The following ADGRB3 variants were observed in gnomAD, a reference collection of about 807,000 sequenced individuals.
ADGRB3 encodes brain-specific angiogenesis inhibitor 3.
ADGRB3 carries 37 observed loss-of-function variants against 193.4 expected under a neutral mutation model. That is an observed-to-expected ratio of 0.19 (90% confidence interval 0.15 to 0.25). The LOEUF is 0.25. Ranked by LOEUF, ADGRB3 falls within the 10% of genes least tolerant of loss-of-function variation. ADGRB3 has a pLI of 1.00. For missense variants in ADGRB3, 1,637 were observed against 1,852.9 expected (o/e 0.88, Z 2.14); for synonymous variants, 690 against 644.2 (o/e 1.07, Z -1.08).
chr6:68,736,541 A>G (rs2127337036), intron 3 of ADGRB3, among the ~76,000 whole-genome samples: 1 of 152,202 alleles, frequency 6.6e-6, no homozygotes, highest in East Asian at 1.9e-4. Context: ...GGACTTTGAG[A>G]AAAAGATCTC....
At chr6:69,264,555 T>C (rs990715367) in intron 20 of ADGRB3, among the ~76,000 whole-genome samples, 11 of 151,798 alleles carry the variant, frequency 7.2e-5, no homozygotes, top group African/African-American at 2.7e-4. Context: ...AACTTGAGTA[T>C]TTGACTACCA....
intron 10 of ADGRB3, among the ~76,000 whole-genome samples, chr6:68,987,032 A>AT (rs1769097341): frequency 6.6e-6 from 1 of 152,034 alleles, no homozygotes; most frequent in Non-Finnish European, 1.5e-5. Context: ...TTTTAGACTC[A>AT]TTTTTCCCCC....
At chr6:68,872,232 T>G (rs2150220312) in intron 3 of ADGRB3, among the ~76,000 whole-genome samples, 1 of 152,252 alleles carries the variant, frequency 6.6e-6, no homozygotes, top group South Asian at 2.1e-4. Context: ...ATGATAATTT[T>G]TTTGAAGACA....
chr6:69,345,631 A>G (rs1458904608), intron 26 of ADGRB3, among the ~76,000 whole-genome samples: 2 of 152,194 alleles, frequency 1.3e-5, no homozygotes, highest in Admixed American at 6.6e-5. Context: ...ATTTATGACA[A>G]ACCCACAGCC....
At chr6:68,825,220 G>A (rs1455797105) in intron 3 of ADGRB3, among the ~76,000 whole-genome samples, 2 of 151,802 alleles carry the variant, frequency 1.3e-5, no homozygotes, top group African/African-American at 4.8e-5. Flanking sequence ...TCTCATGGTT[G>A]CTTCTCTCCT....
intron 17 of ADGRB3, among the ~76,000 whole-genome samples, chr6:69,150,468 G>T (rs1210612788): frequency 2.0e-5 from 3 of 152,112 alleles, no homozygotes; most frequent in Non-Finnish European, 4.4e-5. Context: ...TCAGCTTGTG[G>T]TGTATGCTTC....
intron 11 of ADGRB3, among the ~76,000 whole-genome samples, chr6:69,013,796 G>A (rs1241848636): frequency 1.3e-5 from 2 of 151,996 alleles, no homozygotes; most frequent in Non-Finnish European, 2.9e-5. Flanking sequence ...AAATAATTTT[G>A]AGTGAAAGTG....
chr6:68,741,918 G>C (rs531624071), intron 3 of ADGRB3, among the ~76,000 whole-genome samples: 5 of 152,098 alleles, frequency 3.3e-5, no homozygotes, highest in African/African-American at 9.7e-5. Context: ...TCATTCACGA[G>C]TTCACATGTT....
intron 10 of ADGRB3, among the ~76,000 whole-genome samples, chr6:68,981,872 ATTTAT>A (rs1387976049): frequency 5.6e-5 from 8 of 143,558 alleles, no homozygotes; most frequent in Middle Eastern, 3.6e-3. Flanking sequence ...TTATTTATTT[ATTTAT>A]TTATTTATTT....
At chr6:68,640,911 T>A (rs1379770746) in intron 3 of ADGRB3, among the ~76,000 whole-genome samples, 1 of 152,204 alleles carries the variant, frequency 6.6e-6, no homozygotes, top group Non-Finnish European at 1.5e-5. Context: ...GGTCAGTGTT[T>A]CACTATCAGC....
intron 3 of ADGRB3, among the ~76,000 whole-genome samples, chr6:68,659,476 T>A (rs1768572090): frequency 6.6e-6 from 1 of 150,996 alleles, no homozygotes; most frequent in Non-Finnish European, 1.5e-5. Context: ...TTTTCTTGAA[T>A]TTATTTCATA....
chr6:68,772,882 C>A (rs5007750), intron 3 of ADGRB3, among the ~76,000 whole-genome samples: 1,056 of 23,628 alleles, frequency 0.045, 28 homozygotes, highest in Middle Eastern at 0.067. Context: ...AACAAACAAA[C>A]AAAAAAAAAA....
intron 17 of ADGRB3, among the ~76,000 whole-genome samples, chr6:69,165,371 T>G (rs1398404049): frequency 6.6e-6 from 1 of 151,986 alleles, no homozygotes; most frequent in Non-Finnish European, 1.5e-5. Flanking sequence ...TTTTGTGTCA[T>G]CCTTGGGAAC....
intron 17 of ADGRB3, among the ~76,000 whole-genome samples, chr6:69,216,254 A>G (rs1275140538): frequency 6.6e-6 from 1 of 152,194 alleles, no homozygotes; most frequent in East Asian, 1.9e-4. Flanking sequence ...AAACAGAACT[A>G]CTTTCCATCT....
Position 68,870,831 on chromosome 6 carries a change from A to T in ADGRB3, c.758-59728A>T, listed in dbSNP as rs531904377. On this transcript the variant is annotated intron_variant, in intron 3 of 31. Transcript: ENST00000370598. ...AGTAAATATCTGTGATGTGTTTAGA[A>T]GAATGCCTGGCAAATTTTACACTCA... 3.3e-5 allele frequency among the ~76,000 whole-genome samples: 5 copies of T among 152,304 alleles called. No individual in the cohort carries two copies. In the South Asian group the frequency reaches 1.0e-3, roughly 32 times the overall value.
At chr6:69,060,550 A>G (rs561166831) in intron 15 of ADGRB3, among the ~76,000 whole-genome samples, 11 of 152,208 alleles carry the variant, frequency 7.2e-5, no homozygotes, top group African/African-American at 2.6e-4. Flanking sequence ...GAACTTAAAC[A>G]TAATAGAGAT....
chr6:69,014,056 A>G lies in ADGRB3; in HGVS notation c.1948A>G (p.Ser650Gly). The change falls in exon 12 of 32, where the codon AGC becomes GGC. Residue 650 changes from serine to glycine, a missense_variant. Ser to Gly is a moderately conservative substitution (Grantham distance 56). Coordinates refer to ENST00000370598, the MANE Select transcript of ADGRB3 (RefSeq NM_001704.3). ...DGVQNFFQIV[S>G]NLLDEENKEK... ...TTTACAGAACTTCTTTCAAATAGTT[A>G]GCAACCTTCTAGATGAAGAAAACAA... 7 of 1,597,510 alleles carry G rather than the reference A, an allele frequency of 4.4e-6. No homozygotes were observed. Among genetic ancestry groups the G allele is most frequent in the Non-Finnish European group, 6.0e-6 (7 of 1,168,122 alleles).
At chr6:68,936,453 G>T in intron 4 of ADGRB3, 66 bp from the exon 5 acceptor site, 1 of 1,456,688 alleles carries the variant, frequency 6.9e-7, no homozygotes, top group Middle Eastern at 1.9e-4. Context: ...ATGTCAGTTT[G>T]GTATAATGCT....
intron 3 of ADGRB3, among the ~76,000 whole-genome samples, chr6:68,883,949 A>C (rs891769367): frequency 1.3e-5 from 2 of 152,200 alleles, no homozygotes; most frequent in East Asian, 1.9e-4. Flanking sequence ...GGTACTTCCA[A>C]GGTTGCTGTC....
Sources: gnomAD v4.1 joint callset for allele counts (sites outside exome capture counted in the v4.1 genomes callset) on GRCh38, gnomAD v4.1.1 for gene constraint, MANE v1.5 for transcripts, NCBI Gene and HGNC (gene_info 2026-07-23, HGNC 2026-07-21) for gene names.